Variants in XRN1 observed in about 807,000 individuals in gnomAD.
The protein encoded by XRN1 is strand-exchange protein 1 homolog.
XRN1 carries 67 observed loss-of-function variants against 222.3 expected under a neutral mutation model. That is an observed-to-expected ratio of 0.30 (90% CI 0.25 to 0.37). The LOEUF (loss-of-function observed/expected upper bound fraction) is 0.37. Among genes scored for constraint, XRN1 ranks in the 10% least tolerant of loss-of-function variants. XRN1 has a pLI of 1.00. For missense variants in XRN1, 1,707 were observed against 2,000.2 expected (o/e 0.85, Z 2.80); for synonymous variants, 643 against 652.4 (o/e 0.99, Z 0.22).
rs1172201724 is a variant in XRN1, at chr3:142,447,717, G to A, written c.75+153C>T. Among the ~76,000 whole-genome samples, 3 of 152,156 alleles carry A rather than the reference G, an allele frequency of 2.0e-5. No individual in the cohort carries two copies. Among genetic ancestry groups the A allele is most frequent in the Admixed American group, 6.5e-5 (1 of 15,276 alleles). The stretch of plus-strand genomic sequence containing the variant: ...CCTTAGCCCCTTTCGGCTCATCCGG[G>A]CGTCCTCAAACCTTCCGTCCCCCTC... On this transcript the variant is annotated intron_variant, in intron 1 of 40. Coordinates refer to ENST00000392981, the MANE Select transcript of XRN1 (RefSeq NM_001282857.2). This position sits in a 1 kb window ranked among gnomAD's most constrained non-coding sequence, Gnocchi z 4.2.
At chr3:142,410,222 T>G (rs2068510874) in intron 15 of XRN1, among the ~76,000 whole-genome samples, 1 of 152,230 alleles carries the variant, frequency 6.6e-6, no homozygotes, top group Non-Finnish European at 1.5e-5. Context: ...CTATTAAGTA[T>G]GTTGTTTGCA....
chr3:142,414,335 A>G, intron 13 of XRN1, 44 bp from the exon 14 acceptor site: 1 of 1,432,456 alleles, frequency 7.0e-7, no homozygotes. Context: ...ATCTTTATGA[A>G]TTAGGTTAAT....
chr3:142,443,280 C>T (rs1250274742), intron 1 of XRN1, among the ~76,000 whole-genome samples: 4 of 152,168 alleles, frequency 2.6e-5, no homozygotes, highest in Non-Finnish European at 2.9e-5. Context: ...GAGCAGTCAT[C>T]GGCCAACCTC....
At chr3:142,330,758 T>A (rs1235211461) in intron 36 of XRN1, among the ~76,000 whole-genome samples, 2 of 152,172 alleles carry the variant, frequency 1.3e-5, no homozygotes, top group African/African-American at 2.4e-5. Context: ...TTGGAATTTT[T>A]AATTAATTAT....
At chr3:142,358,069 CAAAAACAAAAAA>C (rs2066513195) in intron 30 of XRN1, among the ~76,000 whole-genome samples, 1 of 151,796 alleles carries the variant, frequency 6.6e-6, no homozygotes, top group South Asian at 2.1e-4. Flanking sequence ...AAAACAAAAA[CAAAAACAAAAAA>C]ACGAAAACTA....
chr3:142,352,610 G>A (rs1425576781), intron 32 of XRN1, among the ~76,000 whole-genome samples: 1 of 152,062 alleles, frequency 6.6e-6, no homozygotes, highest in African/African-American at 2.4e-5. Flanking sequence ...GGGTCTGAAG[G>A]TACAGGCTAC....
At chr3:142,413,432 T>G (rs1267986594) in intron 14 of XRN1, among the ~76,000 whole-genome samples, 1 of 152,112 alleles carries the variant, frequency 6.6e-6, no homozygotes, top group Non-Finnish European at 1.5e-5. Flanking sequence ...AACAACAGTT[T>G]AAGGTTCAGA....
chr3:142,377,478 G>C (rs558453576), intron 23 of XRN1, among the ~76,000 whole-genome samples: 1 of 152,298 alleles, frequency 6.6e-6, no homozygotes, highest in East Asian at 1.9e-4. Context: ...TTGGAAACGT[G>C]TAGAGGCACA....
At chr3:142,342,278 G>A (rs1034189267) in intron 33 of XRN1, among the ~76,000 whole-genome samples, 5 of 152,108 alleles carry the variant, frequency 3.3e-5, no homozygotes, top group Non-Finnish European at 5.9e-5. Flanking sequence ...AAACATTGAT[G>A]CAAGAAATTG....
At chr3:142,440,398 G>C (rs2070148721) in intron 1 of XRN1, among the ~76,000 whole-genome samples, 1 of 151,948 alleles carries the variant, frequency 6.6e-6, no homozygotes, top group Non-Finnish European at 1.5e-5. Context: ...CCCGTTTGTT[G>C]TCCCCTGCTT....
intron 33 of XRN1, among the ~76,000 whole-genome samples, chr3:142,336,900 A>C (rs2107938448): frequency 1.3e-5 from 2 of 152,266 alleles, no homozygotes; most frequent in East Asian, 3.9e-4. Context: ...CAGGGACATT[A>C]ATCTGTATTT....
intron 20 of XRN1, among the ~76,000 whole-genome samples, chr3:142,384,886 C>G (rs1260324383): frequency 6.6e-6 from 1 of 152,110 alleles, no homozygotes; most frequent in African/African-American, 2.4e-5. Flanking sequence ...CTCCAACTGT[C>G]TCTGTGATTA....
chr3:142,384,467 GAATAGTGTATTAATAGTGTATATT>G, intron 21 of XRN1, 32 bp downstream of exon 21: 1 of 1,359,680 alleles, frequency 7.4e-7, no homozygotes. Context: ...ATTATACAGT[GAATAGTGTATTAATAGTGTATATT>G]AAGACAGAAT....
intron 23 of XRN1, among the ~76,000 whole-genome samples, chr3:142,379,686 T>C (rs1364683430): frequency 6.6e-6 from 1 of 152,232 alleles, no homozygotes; most frequent in Non-Finnish European, 1.5e-5. Flanking sequence ...TGTTCATTCT[T>C]AGCTGAAGAG....
At chr3:142,360,354 G>A (rs1264858573) in intron 29 of XRN1, among the ~76,000 whole-genome samples, 1 of 152,100 alleles carries the variant, frequency 6.6e-6, no homozygotes, top group Non-Finnish European at 1.5e-5. Flanking sequence ...ACGTAAACAT[G>A]TGCATTCAGT....
Position 142,359,859 on chromosome 3 carries a change from A to G in XRN1, c.3464+3T>C. 6.3e-7 allele frequency: 1 copy of G among 1,593,622 alleles called. No individual in the cohort carries two copies. The highest frequency in any genetic ancestry group is 8.6e-7 in the Non-Finnish European group (1 of 1,165,272). On this transcript the variant is annotated splice_donor_region_variant and intron_variant, in intron 30 of 40. Transcript: ENST00000392981. ...AGGGCAATTATCATTGGGAAATACA[A>G]ACCTTATTGTTAACCCTCCAGGAAA...
At chr3:142,392,189 A>C (rs1442836186) in intron 20 of XRN1, among the ~76,000 whole-genome samples, 2 of 152,050 alleles carry the variant, frequency 1.3e-5, no homozygotes, top group African/African-American at 2.4e-5. Flanking sequence ...CAAAATCTCT[A>C]GTAGAAAACT....
Position 142,365,377 on chromosome 3 carries a change from AG to A in XRN1, c.3205-12del, listed in dbSNP as rs1365210230. 1 of 1,544,706 alleles carries A rather than the reference AG, an allele frequency of 6.5e-7. No homozygotes were observed. The highest frequency in any genetic ancestry group is 8.7e-7 in the Non-Finnish European group (1 of 1,143,236). ...ATTATTCTTTCTTTGCTGAGGAAAA[AG>A]AAAAATTGTTAAATATTTTTAAAAT... On this transcript the variant is annotated splice_polypyrimidine_tract_variant and intron_variant, in intron 27 of 40. Transcript: ENST00000392981.
intron 19 of XRN1, among the ~76,000 whole-genome samples, chr3:142,399,471 T>C (rs950579362): frequency 6.6e-6 from 1 of 152,084 alleles, no homozygotes; most frequent in Admixed American, 6.5e-5. Context: ...TCATATAAAA[T>C]GAGGTAAACC....
Sources: gnomAD v4.1 joint callset for allele counts (sites outside exome capture counted in the v4.1 genomes callset) on GRCh38, gnomAD v4.1.1 for gene constraint, Gnocchi (gnomAD v3.1) non-coding constraint, MANE v1.5 for transcripts, NCBI Gene and HGNC (gene_info 2026-07-23, HGNC 2026-07-21) for gene names.